Variants in BTBD2 observed in about 807,000 individuals in gnomAD.
The protein encoded by BTBD2 is BTB/POZ domain-containing protein 2.
In BTBD2, 15 loss-of-function variants were observed where a neutral mutation model predicts 44.0. The observed-to-expected ratio is 0.34, with a 90% CI of 0.23 to 0.53. The LOEUF (loss-of-function observed/expected upper bound fraction) is 0.53, where lower values mean the gene tolerates loss of function less well. Ranked by LOEUF, BTBD2 falls within the 20% of genes least tolerant of loss-of-function variation. The pLI is 0.95. For missense variants in BTBD2, 657 were observed against 746.4 expected, an observed-to-expected ratio of 0.88 and a Z score of 1.39; for synonymous variants, 443 against 335.9, an observed-to-expected ratio of 1.32 and a Z score of -3.49.
intron 1 of BTBD2, among the ~76,000 whole-genome samples, chr19:2,011,891 G>A (rs1390084697): frequency 2.0e-5 from 3 of 150,806 alleles, no homozygotes; most frequent in Admixed American, 6.6e-5. Flanking sequence ...GTCTTGCTCT[G>A]TCGCCCAGGC....
chr19:1,993,508 C>T (rs1385736094), intron 2 of BTBD2, among the ~76,000 whole-genome samples: 1 of 152,144 alleles, frequency 6.6e-6, no homozygotes, highest in Non-Finnish European at 1.5e-5. Flanking sequence ...TGGGTGTCTC[C>T]TTCTTGGGCA....
At chr19:1,987,809 C>G in intron 5 of BTBD2, 117 bp from the exon 6 acceptor site, 1 of 1,065,184 alleles carries the variant, frequency 9.4e-7, no homozygotes, top group South Asian at 1.7e-5. Flanking sequence ...GGTGCAGGGA[C>G]CTGGGCAGCC....
chr19:1,999,622 C>T (rs367848354), intron 1 of BTBD2, among the ~76,000 whole-genome samples: 158 of 151,498 alleles, frequency 1.0e-3, no homozygotes, highest in Admixed American at 2.4e-3. Flanking sequence ...GCCAGGACTG[C>T]GCCACTGCAC....
intron 2 of BTBD2, among the ~76,000 whole-genome samples, chr19:1,994,605 A>G (rs1015028952): frequency 6.6e-6 from 1 of 152,010 alleles, no homozygotes; most frequent in Admixed American, 6.6e-5. Flanking sequence ...CTAAAAATAC[A>G]AAAATTAGCC....
At chr19:1,991,907 T>G (rs960422629) in intron 3 of BTBD2, 2 of 151,466 alleles carry the variant, frequency 1.3e-5, no homozygotes, top group African/African-American at 2.4e-5. Flanking sequence ...GAGAGAAAGT[T>G]CTCTCTGGTT....
intron 2 of BTBD2, among the ~76,000 whole-genome samples, chr19:1,994,445 G>T (rs1599351711): frequency 6.6e-6 from 1 of 152,026 alleles, no homozygotes; most frequent in East Asian, 1.9e-4. Flanking sequence ...GTGTGGGCAT[G>T]GTGAGATCCT....
intron 2 of BTBD2, 27 bp downstream of exon 2, chr19:1,997,317 C>T (rs1176426624): frequency 6.2e-7 from 1 of 1,613,812 alleles, no homozygotes; most frequent in Admixed American, 1.7e-5. Context: ...GCCCAGCTCC[C>T]CAGCAGGAAG....
At chr19:1,995,542 A>G (rs1044918309) in intron 2 of BTBD2, among the ~76,000 whole-genome samples, 2 of 151,970 alleles carry the variant, frequency 1.3e-5, no homozygotes, top group South Asian at 4.2e-4. Flanking sequence ...TCGGCCTCCC[A>G]AAGTGCTGGG....
At position 1,987,480 on chromosome 19, in the gene BTBD2, G is replaced by A. The variant is rs200384009; in HGVS notation, c.1181+20C>T. ...TCCACCCCCATGTCCGGACCCCCCC[G>A]CCTGCACCCCAAGCCCCACCTGATG... On this transcript the variant is annotated intron_variant, in intron 6 of 8. Coordinates refer to ENST00000255608, the MANE Select transcript of BTBD2 (RefSeq NM_017797.4). 1.1e-4 allele frequency: 65 copies of A among 616,054 alleles called. No individual in the cohort carries two copies. The highest frequency in any genetic ancestry group is 5.7e-4 in the South Asian group (31 of 54,406). The allele number at this position is 616,054 out of a possible 1,614,324, so 38.2% of individuals were successfully genotyped here. A position where few individuals can be genotyped will look rare whatever the true frequency, so the allele number is the denominator to read the frequency against.
At chr19:1,997,705 C>G (rs1307142649) in intron 1 of BTBD2, among the ~76,000 whole-genome samples, 1 of 152,238 alleles carries the variant, frequency 6.6e-6, no homozygotes, top group African/African-American at 2.4e-5. Flanking sequence ...CACACAGGGC[C>G]TCACGCTCTG....
At chr19:1,996,832 A>G (rs1427779376) in intron 2 of BTBD2, among the ~76,000 whole-genome samples, 1 of 152,018 alleles carries the variant, frequency 6.6e-6, no homozygotes, top group Non-Finnish European at 1.5e-5. Flanking sequence ...AGATCACACC[A>G]CTGCACTCCA....
chr19:2,010,519 G>A (rs1467052507), intron 1 of BTBD2, among the ~76,000 whole-genome samples: 1 of 152,152 alleles, frequency 6.6e-6, no homozygotes, highest in Non-Finnish European at 1.5e-5. Context: ...ACCCCCGCCA[G>A]GGACCAGGCC....
chr19:2,002,826 G>C (rs1162953792), intron 1 of BTBD2: 1 of 148,172 alleles, frequency 6.7e-6, no homozygotes. Flanking sequence ...GCAGTGAGCT[G>C]AGATTGCGCC....
intron 1 of BTBD2, among the ~76,000 whole-genome samples, chr19:2,007,837 TAAAAC>T (rs917345087): frequency 2.6e-5 from 4 of 151,678 alleles, no homozygotes; most frequent in African/African-American, 9.7e-5. Context: ...CAAAAAATAA[TAAAAC>T]AAAACACAGA....
chr19:2,003,619 T>G (rs1456542734), intron 1 of BTBD2: 2 of 151,386 alleles, frequency 1.3e-5, no homozygotes, highest in Non-Finnish European at 2.9e-5. Flanking sequence ...AAATACAAAA[T>G]TAGCCGGGTG....
At chr19:1,991,547 A>G (rs2145623903) in intron 3 of BTBD2, among the ~76,000 whole-genome samples, 1 of 152,320 alleles carries the variant, frequency 6.6e-6, no homozygotes, top group South Asian at 2.1e-4. Context: ...CCTCTCCAGC[A>G]AGGCGACCAG....
intron 1 of BTBD2, among the ~76,000 whole-genome samples, chr19:2,012,100 C>T (rs542215232): frequency 6.6e-5 from 10 of 152,006 alleles, no homozygotes; most frequent in South Asian, 2.1e-4. Flanking sequence ...ATGATTCGCC[C>T]GCCTCGGCCT....
chr19:1,999,891 G>A (rs530422659), intron 1 of BTBD2, among the ~76,000 whole-genome samples: 1 of 151,494 alleles, frequency 6.6e-6, no homozygotes, highest in African/African-American at 2.4e-5. Flanking sequence ...GAACCCGGGA[G>A]GCGGAGGTTT....
Position 1,986,444 on chromosome 19 carries a change from G to A in BTBD2, c.*44C>T, listed in dbSNP as rs1048360995. ...CAGCAGCAGATGATGGCCTGGGGCT[G>A]CGGCTATCCCCACGGAGGGAGGGCG... is the stretch of plus-strand genomic sequence containing the variant. On this transcript the variant is annotated 3_prime_UTR_variant, in exon 9 of 9. Coordinates refer to ENST00000255608, the MANE Select transcript of BTBD2 (RefSeq NM_017797.4). 3.1e-6 allele frequency: 5 copies of A among 1,604,534 alleles called. No homozygotes were observed. Among genetic ancestry groups the A allele is most frequent in the African/African-American group, 1.3e-5 (1 of 74,790 alleles).
Sources: allele counts gnomAD v4.1 joint callset (sites outside exome capture counted in the v4.1 genomes callset), GRCh38; gene constraint gnomAD v4.1.1; transcripts MANE v1.5; gene names NCBI Gene and HGNC (gene_info 2026-07-23, HGNC 2026-07-21).